GABRB3: variants seen among roughly 807,000 people sequenced by gnomAD.
GABRB3 encodes gamma-aminobutyric acid type A receptor subunit beta3.
GABRB3 carries 14 observed loss-of-function variants against 52.1 expected under a neutral mutation model. That is an observed-to-expected ratio of 0.27 (90% confidence interval 0.18 to 0.42). GABRB3 has a LOEUF of 0.42. Among genes scored for constraint, GABRB3 ranks in the 10% least tolerant of loss-of-function variants. The pLI, the probability that GABRB3 is intolerant of heterozygous loss-of-function variation, is 1.00. For missense variants in GABRB3, 307 were observed against 609.1 expected (o/e 0.50, Z 5.22); for synonymous variants, 260 against 232.3 (o/e 1.12, Z -1.08).
intron 3 of GABRB3, among the ~76,000 whole-genome samples, chr15:26,643,568 C>A (rs146897829): frequency 8.0e-6 from 1 of 125,090 alleles, no homozygotes; most frequent in Non-Finnish European, 1.7e-5. Context: ...CATCAGCATT[C>A]TCTTTGAACA....
intron 3 of GABRB3, among the ~76,000 whole-genome samples, chr15:26,662,324 A>G (rs1033272582): frequency 1.1e-4 from 16 of 152,100 alleles, no homozygotes; most frequent in African/African-American, 3.4e-4. Context: ...TAAAGGGTTA[A>G]CTCTCTATTG....
intron 4 of GABRB3, among the ~76,000 whole-genome samples, chr15:26,605,145 A>G (rs1595475465): frequency 6.6e-6 from 1 of 152,324 alleles, no homozygotes; most frequent in South Asian, 2.1e-4. Context: ...CAAATGGCAA[A>G]CAGGTATACA....
At chr15:26,723,992 T>C (rs1017109760) in intron 3 of GABRB3, among the ~76,000 whole-genome samples, 2 of 152,210 alleles carry the variant, frequency 1.3e-5, no homozygotes, top group Non-Finnish European at 2.9e-5. Context: ...AACCTCATAA[T>C]GTGGACAGAT....
At chr15:26,658,774 C>T (rs564878879) in intron 3 of GABRB3, 1 of 152,318 alleles carries the variant, frequency 6.6e-6, no homozygotes, top group African/African-American at 2.4e-5. Context: ...GATTTCCTCA[C>T]CCATAGTAAT....
At position 26,653,375 on chromosome 15, in the gene GABRB3, A is replaced by G. The variant is rs193277339; in HGVS notation, c.241-31841T>C. Among the ~76,000 whole-genome samples the G allele has an allele frequency of 2.0e-5, 3 of 152,336 alleles. No individual in the cohort carries two copies. In the East Asian group the frequency reaches 5.8e-4, roughly 29 times the overall value. Reference sequence around the variant, plus strand: ...CCTGCATTCTAATGCATCAGGTGGCACCATCCATACCAGTAAACTGAGTCA... The same window carrying G: ...CCTGCATTCTAATGCATCAGGTGGCGCCATCCATACCAGTAAACTGAGTCA... On this transcript the variant is annotated intron_variant, in intron 3 of 8. Coordinates refer to ENST00000311550, the MANE Select transcript of GABRB3 (RefSeq NM_000814.6).
chr15:26,719,342 G>A (rs1045336661), intron 3 of GABRB3, among the ~76,000 whole-genome samples: 4 of 152,214 alleles, frequency 2.6e-5, no homozygotes, highest in Non-Finnish European at 2.9e-5. Context: ...CAGGAACTCA[G>A]GTTGGCACCC....
intron 4 of GABRB3, among the ~76,000 whole-genome samples, chr15:26,598,648 GA>G (rs1891480663): frequency 6.6e-6 from 1 of 152,166 alleles, no homozygotes; most frequent in Non-Finnish European, 1.5e-5. Flanking sequence ...TCTACATGGG[GA>G]AAAGAAAATT....
At chr15:26,716,530 C>A in intron 3 of GABRB3, 1 of 925,570 alleles carries the variant, frequency 1.1e-6, no homozygotes, top group Non-Finnish European at 1.3e-6. Context: ...TGTGCAAGTT[C>A]CCCAAGCAGG....
At chr15:26,751,406 C>T (rs1023876506) in intron 3 of GABRB3, among the ~76,000 whole-genome samples, 1 of 152,046 alleles carries the variant, frequency 6.6e-6, no homozygotes, top group African/African-American at 2.4e-5. Context: ...CTACAATTTC[C>T]GACTCCTGAA....
At chr15:26,726,175 C>T (rs1183227423) in intron 3 of GABRB3, among the ~76,000 whole-genome samples, 1 of 152,110 alleles carries the variant, frequency 6.6e-6, no homozygotes, top group East Asian at 1.9e-4. Context: ...CAGCCCATCA[C>T]ATGAGGTCAG....
At chr15:26,591,953 C>T (rs754964348) in intron 4 of GABRB3, among the ~76,000 whole-genome samples, 24 of 152,308 alleles carry the variant, frequency 1.6e-4, no homozygotes, top group Non-Finnish European at 1.9e-4. Context: ...ATGCAGATTA[C>T]GGACTACCCC....
intron 3 of GABRB3, among the ~76,000 whole-genome samples, chr15:26,748,330 G>A (rs767599621): frequency 3.9e-5 from 6 of 152,090 alleles, no homozygotes; most frequent in Non-Finnish European, 8.8e-5. Flanking sequence ...ATTCTCCAGC[G>A]AAATTATCTG....
intron 3 of GABRB3, among the ~76,000 whole-genome samples, chr15:26,759,428 T>G (rs112974058): frequency 2.6e-5 from 4 of 152,052 alleles, no homozygotes; most frequent in African/African-American, 9.7e-5. Flanking sequence ...GCCCAGCTAA[T>G]TTTTGTATTT....
At chr15:26,726,348 TG>T (rs1703570532) in intron 3 of GABRB3, among the ~76,000 whole-genome samples, 1 of 152,230 alleles carries the variant, frequency 6.6e-6, no homozygotes, top group African/African-American at 2.4e-5. Context: ...CTTACATAAC[TG>T]CAGTAAAATG....
chr15:26,581,455 A>T (rs1333185173), intron 5 of GABRB3, among the ~76,000 whole-genome samples: 3 of 152,214 alleles, frequency 2.0e-5, no homozygotes, highest in African/African-American at 7.2e-5. Flanking sequence ...GCATCTTTCC[A>T]CATGGTAAGT....
intron 3 of GABRB3, among the ~76,000 whole-genome samples, chr15:26,722,957 T>C (rs1889681902): frequency 6.6e-6 from 1 of 152,202 alleles, no homozygotes; most frequent in Non-Finnish European, 1.5e-5. Flanking sequence ...GTATCATTCA[T>C]TTCCCAGGAG....
intron 8 of GABRB3, among the ~76,000 whole-genome samples, chr15:26,555,950 T>C (rs560913113): frequency 5.3e-5 from 8 of 152,340 alleles, no homozygotes; most frequent in African/African-American, 1.9e-4. Flanking sequence ...TAAAAATCTG[T>C]TAAATCTTAG....
chr15:26,709,074 A>C (rs1389716139), intron 3 of GABRB3, among the ~76,000 whole-genome samples: 1 of 152,256 alleles, frequency 6.6e-6, no homozygotes, highest in African/African-American at 2.4e-5. Flanking sequence ...ATTGAGGTAC[A>C]GTTTATAGAT....
chr15:26,634,416 C>A (rs1892988809), intron 3 of GABRB3, among the ~76,000 whole-genome samples: 1 of 152,128 alleles, frequency 6.6e-6, no homozygotes, highest in South Asian at 2.1e-4. Context: ...AACAATCATT[C>A]AGCCACTATG....
Sources: allele counts gnomAD v4.1 joint callset (sites outside exome capture counted in the v4.1 genomes callset), GRCh38; gene constraint gnomAD v4.1.1; transcripts MANE v1.5; gene names NCBI Gene and HGNC (gene_info 2026-07-23, HGNC 2026-07-21).